TAFA2: variants seen among roughly 807,000 people sequenced by gnomAD.
TAFA2 encodes the protein TAFA chemokine like family member 2, also known as chemokine-like protein TAFA-2.
Under a neutral mutation model 18.8 loss-of-function variants are expected in TAFA2, and 7 were observed. The observed-to-expected ratio is 0.37, with a 90% CI of 0.21 to 0.70. TAFA2 has a LOEUF of 0.70. TAFA2 is among the 30% of genes least tolerant of loss of function. The pLI is 0.53. For missense variants in TAFA2, 122 were observed against 158.1 expected, an observed-to-expected ratio of 0.77 and a Z score of 1.23; for synonymous variants, 60 against 54.2, an observed-to-expected ratio of 1.11 and a Z score of -0.47.
chr12:61,798,669 A>C (rs1010708143), intron 2 of TAFA2, among the ~76,000 whole-genome samples: 2 of 152,202 alleles, frequency 1.3e-5, no homozygotes, highest in South Asian at 4.1e-4. Flanking sequence ...AAGAAATAGG[A>C]CAATAAAAAC....
intron 1 of TAFA2, among the ~76,000 whole-genome samples, chr12:62,246,946 A>G (rs1187892471): frequency 3.3e-5 from 5 of 151,980 alleles, no homozygotes; most frequent in African/African-American, 1.2e-4. Flanking sequence ...TTAATTAGGT[A>G]TAAGAACCTC....
intron 1 of TAFA2, among the ~76,000 whole-genome samples, chr12:62,116,514 G>T (rs1869970139): frequency 1.3e-5 from 2 of 151,084 alleles, no homozygotes; most frequent in South Asian, 2.1e-4. Flanking sequence ...TTTAACAGTG[G>T]TTAATTTTTT....
intron 1 of TAFA2, among the ~76,000 whole-genome samples, chr12:61,972,456 T>C (rs1018080405): frequency 1.3e-5 from 2 of 151,646 alleles, no homozygotes; most frequent in Non-Finnish European, 3.0e-5. Context: ...TCCAAAGTTT[T>C]ATGAGCCCTA....
chr12:61,911,157 G>A (rs1419722112), intron 1 of TAFA2, among the ~76,000 whole-genome samples: 2 of 152,028 alleles, frequency 1.3e-5, no homozygotes, highest in African/African-American at 4.8e-5. Flanking sequence ...AAAGCATTTT[G>A]GGGTTTAGAT....
intron 1 of TAFA2, among the ~76,000 whole-genome samples, chr12:61,902,532 C>T (rs993633718): frequency 6.6e-5 from 10 of 152,152 alleles, no homozygotes; most frequent in African/African-American, 1.4e-4. Flanking sequence ...AATCTTGGCT[C>T]TCCTATTGCC....
At chr12:61,985,035 G>A (rs762869316) in intron 1 of TAFA2, among the ~76,000 whole-genome samples, 10 of 152,176 alleles carry the variant, frequency 6.6e-5, no homozygotes, top group Admixed American at 3.9e-4. Flanking sequence ...GAGAGAGGGG[G>A]AGAGGGTAAA....
At chr12:62,186,145 TG>T (rs1225809387) in intron 1 of TAFA2, among the ~76,000 whole-genome samples, 2 of 152,156 alleles carry the variant, frequency 1.3e-5, no homozygotes, top group African/African-American at 4.8e-5. Context: ...AAAGTCAAAG[TG>T]TTTTTCTTTA....
At chr12:61,778,633 A>C (rs117787973) in intron 2 of TAFA2, among the ~76,000 whole-genome samples, 463 of 152,048 alleles carry the variant, frequency 3.0e-3, no homozygotes, top group Non-Finnish European at 5.7e-3. Flanking sequence ...TGAACAAATT[A>C]TGACATAGCT....
chr12:61,942,156 AGC>A, intron 1 of TAFA2, among the ~76,000 whole-genome samples: 1 of 148,600 alleles, frequency 6.7e-6, no homozygotes, highest in Admixed American at 6.7e-5. Flanking sequence ...CTGACCCCCG[AGC>A]AGCCTAACTG....
chr12:62,086,284 A>C (rs76883541), intron 1 of TAFA2, among the ~76,000 whole-genome samples: 8,226 of 152,234 alleles, frequency 0.054, 333 homozygotes, highest in Non-Finnish European at 0.083. Context: ...CAGAAGAAAA[A>C]AATAGGTAAT....
At chr12:61,733,466 G>T (rs1280224953) in intron 4 of TAFA2, among the ~76,000 whole-genome samples, 14 of 151,896 alleles carry the variant, frequency 9.2e-5, no homozygotes, top group Admixed American at 3.9e-4. Flanking sequence ...GTAAGGAAGG[G>T]ATCCAGTTTC....
At chr12:62,010,711 C>G (rs900954248) in intron 1 of TAFA2, among the ~76,000 whole-genome samples, 14 of 147,644 alleles carry the variant, frequency 9.5e-5, no homozygotes, top group Non-Finnish European at 1.5e-5. Flanking sequence ...AAGTGGGCGC[C>G]TCTGCCCGGC....
At chr12:62,244,835 T>C (rs1377408293) in intron 1 of TAFA2, among the ~76,000 whole-genome samples, 1 of 152,190 alleles carries the variant, frequency 6.6e-6, no homozygotes, top group Non-Finnish European at 1.5e-5. Context: ...AGTTTTGGTA[T>C]GTTTATTGTC....
chr12:61,879,792 A>T, intron 1 of TAFA2: 1 of 1,476,438 alleles, frequency 6.8e-7, no homozygotes, highest in Non-Finnish European at 9.4e-7. Context: ...CTGGGCCAGG[A>T]GAAGCTGAAG....
intron 1 of TAFA2, among the ~76,000 whole-genome samples, chr12:62,184,648 C>T (rs1565773391): frequency 6.6e-6 from 1 of 151,334 alleles, no homozygotes; most frequent in African/African-American, 2.4e-5. Context: ...GGCACACACA[C>T]CCATGCCTGG....
intron 1 of TAFA2, among the ~76,000 whole-genome samples, chr12:61,996,818 T>C (rs1263718060): frequency 6.6e-6 from 1 of 152,114 alleles, no homozygotes; most frequent in East Asian, 1.9e-4. Flanking sequence ...ATTTCCAAAG[T>C]CTATTTCTCT....
At chr12:61,839,150 T>C (rs1308581778) in intron 2 of TAFA2, among the ~76,000 whole-genome samples, 2 of 152,040 alleles carry the variant, frequency 1.3e-5, no homozygotes, top group South Asian at 2.1e-4. Flanking sequence ...TACAGTCTGG[T>C]GAGGAAGATG....
At chr12:61,852,983 G>T (rs923797911) in intron 2 of TAFA2, among the ~76,000 whole-genome samples, 2 of 152,128 alleles carry the variant, frequency 1.3e-5, no homozygotes, top group African/African-American at 4.8e-5. Flanking sequence ...TAACATACAG[G>T]ATAGCAACTA....
intron 1 of TAFA2, among the ~76,000 whole-genome samples, chr12:62,002,603 T>C (rs181501594): frequency 1.3e-4 from 20 of 152,290 alleles, no homozygotes; most frequent in Admixed American, 1.0e-3. Flanking sequence ...TTTCCACTTA[T>C]TGCTTGACAA....
Sources: gnomAD v4.1 joint callset for allele counts (sites outside exome capture counted in the v4.1 genomes callset) on GRCh38, gnomAD v4.1.1 for gene constraint, MANE v1.5 for transcripts, NCBI Gene and HGNC (gene_info 2026-07-23, HGNC 2026-07-21) for gene names.